The following FASN variants were observed in gnomAD, a reference collection of about 807,000 sequenced individuals.
FASN encodes 3-hydroxyacyl-[acyl-carrier-protein] dehydratase.
In FASN, 50 loss-of-function variants were observed where a neutral mutation model predicts 250.0. That is an observed-to-expected ratio of 0.20 (90% CI 0.16 to 0.25). The LOEUF is 0.25. Among genes scored for constraint, FASN ranks in the 10% least tolerant of loss-of-function variants. FASN has a pLI of 1.00. For missense variants in FASN, 3,031 were observed against 3,498.5 expected (o/e 0.87, Z 3.37); for synonymous variants, 1,909 against 1,584.0 (o/e 1.21, Z -4.87).
Position 82,085,720 on chromosome 17 carries a change from C to T in FASN, c.3884G>A (p.Gly1295Asp). 1 of 1,566,620 alleles carries T rather than the reference C, an allele frequency of 6.4e-7. No individual in the cohort carries two copies. The highest frequency in any genetic ancestry group is 1.2e-5 in the South Asian group (1 of 85,530). The change falls in exon 23 of 43, where the codon GGC (glycine) becomes GAC (aspartate). Residue 1295 changes from glycine (G) to aspartate (D), a missense_variant. Transcript: ENST00000306749. ...GGCAGGGTCTGCGGGATCCCACTGG[C>T]CCTGGGCAACGTCGTGCTGCTGCAG... is the stretch of plus-strand genomic sequence containing the variant. ...AELQQHDVAQ[G>D]QWDPADPAPS...
Position 82,088,545 on chromosome 17 carries a change from T to C in FASN, c.2438A>G (p.Asn813Ser). The change falls in exon 16 of 43, where the codon AAT becomes AGT. Residue 813 changes from asparagine to serine, a missense_variant. Transcript: ENST00000306749. ...GAACTCCACAGGTGGGAACAAGGCA[T>C]TGGGGTTGGCGTCGATGCTACGGAG... ...LHLSGIDANPNALFPPVEFPA... is the reference protein window; with the variant it reads ...LHLSGIDANPSALFPPVEFPA... 3 of 1,605,958 alleles carry C rather than the reference T, an allele frequency of 1.9e-6. No individual in the cohort carries two copies. The highest frequency in any genetic ancestry group is 2.6e-6 in the Non-Finnish European group (3 of 1,175,300).
rs2034099744 is a variant in FASN at position 82,086,387 on chromosome 17, T to C, written c.3599A>G (p.Gln1200Arg). Residue 1200 changes from glutamine to arginine, a missense_variant, in exon 22 of 43, where the codon CAG becomes CGG. Physicochemically the swap from Gln to Arg is conservative, Grantham distance 43. Transcript: ENST00000306749. The stretch of plus-strand genomic sequence containing the variant: ...CTTGGGCCTCTCCTGGGCCAGCACC[T>C]GCGCCAGCTCCAGCTGCAGGTTCCC... ...LNGNLQLELA[Q>R]VLAQERPKLP... 6.2e-7 allele frequency: 1 copy of C among 1,609,938 alleles called. No individual in the cohort carries two copies.
In FASN at chr17:82,091,308, C is replaced by T; in HGVS notation, c.1406G>A (p.Gly469Asp). The T allele has an allele frequency of 6.2e-7, 1 of 1,610,846 alleles. No individual in the cohort carries two copies. Residue 469 changes from glycine to aspartate, a missense_variant, in exon 9 of 43, where the codon GGC becomes GAC. Coordinates refer to ENST00000306749, the MANE Select transcript of FASN (RefSeq NM_004104.5). ...AVPATAMPFR[G>D]YAVLGGERGG... ...GCGCTCACCACCCAGCACAGCGTAG[C>T]CACGGAAGGGCATGGCGGTGGCGGG...
chr17:82,091,194 C>A (rs374284282), intron 9 of FASN, 28 bp downstream of exon 9: 1 of 1,601,504 alleles, frequency 6.2e-7, no homozygotes, highest in South Asian at 1.1e-5. Context: ...AGGGAAGGGA[C>A]CACCTTGGGG....
Position 82,085,880 on chromosome 17 carries a change from G to A in FASN, c.3733-9C>T, listed in dbSNP as rs376560194. ...CCGTGGCCAGCCAGCACCTGTAGGG[G>A]GTGAATTCTGGAATCAGCCCCACAC... On this transcript the variant is annotated splice_polypyrimidine_tract_variant and intron_variant, in intron 22 of 42. Coordinates refer to ENST00000306749, the MANE Select transcript of FASN (RefSeq NM_004104.5). The A allele has an allele frequency of 1.8e-5, 27 of 1,525,844 alleles. No homozygotes were observed. Among genetic ancestry groups the A allele is most frequent in the African/African-American group, 1.4e-4 (10 of 73,226 alleles). 94.5% of individuals were successfully genotyped at this position (1,525,844 alleles called of 1,614,324 possible).
In FASN at chr17:82,091,020, G is replaced by A. The variant is rs1316229780; in HGVS notation, c.1542C>T (p.Asp514=). Residue 514 remains aspartate (D), a synonymous_variant, in exon 10 of 43, where the codon GAC becomes GAT. Coordinates refer to ENST00000306749, the MANE Select transcript of FASN (RefSeq NM_004104.5). ...RGMGLSLMRL[D]RFRDSILRSD... ...AGCGTAGGATGGAATCTCGGAAGCG[G>A]TCCAGGCGCATGAGGCTCAGCCCCA... 1 of 1,612,794 alleles carries A rather than the reference G, an allele frequency of 6.2e-7. No individual in the cohort carries two copies. Among genetic ancestry groups the A allele is most frequent in the Admixed American group, 1.7e-5 (1 of 60,022 alleles).
chr17:82,081,115 G>A, intron 38 of FASN, 49 bp downstream of exon 38: 2 of 1,535,996 alleles, frequency 1.3e-6, no homozygotes, highest in Non-Finnish European at 1.8e-6. Flanking sequence ...AAGGAGGAAG[G>A]GCTGGGGAGG....
chr17:82,092,341 G>A, intron 8 of FASN, 114 bp downstream of exon 8: 1 of 1,146,396 alleles, frequency 8.7e-7, no homozygotes, highest in Non-Finnish European at 1.3e-6. Flanking sequence ...GAGGCTCCTG[G>A]TGGGGAAGCC....
In FASN at chr17:82,091,508, G is replaced by T; in HGVS notation, c.1206C>A (p.Ile402=). 1 of 1,604,814 alleles carries T rather than the reference G, an allele frequency of 6.2e-7. No homozygotes were observed. The highest frequency in any genetic ancestry group is 8.5e-7 in the Non-Finnish European group (1 of 1,176,516). Reference sequence around the variant, plus strand: ...GCGGCTGCGTGTTGGGCCTCAGGATGATGTGCACGTTGGAGCCCCCGAAGC... The same window carrying T: ...GCGGCTGCGTGTTGGGCCTCAGGATTATGTGCACGTTGGAGCCCCCGAAGC... ...SFGFGGSNVH[I]ILRPNTQPPP... is the part of the protein sequence containing the mutation. The change falls in exon 9 of 43, where the codon ATC becomes ATA. Residue 402 remains isoleucine (I), a synonymous_variant. Coordinates refer to ENST00000306749, the MANE Select transcript of FASN (RefSeq NM_004104.5).
At chr17:82,081,440 C>A (rs568735376) in intron 37 of FASN, 88 bp from the exon 38 acceptor site, 61 of 1,564,548 alleles carry the variant, frequency 3.9e-5, no homozygotes, top group Non-Finnish European at 5.0e-5. Flanking sequence ...GGTGCGTGGG[C>A]TGTGCATCTC....
intron 1 of FASN, 76 bp from the exon 2 acceptor site, chr17:82,096,528 A>C: frequency 1.9e-6 from 3 of 1,594,570 alleles, no homozygotes; most frequent in Non-Finnish European, 2.6e-6. Flanking sequence ...CACCCAGAAC[A>C]GGTGGACACC....
chr17:82,084,296 G>A lies in FASN; in HGVS notation c.4857C>T (p.Ala1619=). The A allele has an allele frequency of 1.2e-6, 2 of 1,611,250 alleles. No individual in the cohort carries two copies. Among genetic ancestry groups the A allele is most frequent in the Non-Finnish European group, 1.7e-6 (2 of 1,179,308 alleles). The stretch of plus-strand genomic sequence containing the variant: ...GCAGGACAGAGGTGGCCAGGCCCTT[G>A]GCAGGCACCAGTCCCATCACACGCT... ...SGKRVMGLVP[A]KGLATSVLLS... Residue 1619 remains alanine (A), a synonymous_variant, in exon 28 of 43, where the codon GCC becomes GCT. Coordinates refer to ENST00000306749, the MANE Select transcript of FASN (RefSeq NM_004104.5).
rs961296963 is a variant in FASN at position 82,078,712 on chromosome 17, C to T, written c.*431G>A. ...GCAGGCTTGGGTGGCTGCCCGCGCC[C>T]GCAGGGGACATCGGGGAAATGGGGG... On this transcript the variant is annotated 3_prime_UTR_variant, in exon 43 of 43. Transcript: ENST00000306749. This position sits in a 1 kb window ranked among gnomAD's most constrained non-coding sequence, Gnocchi z 5.4. 1.1e-5 allele frequency: 3 copies of T among 262,794 alleles called. No individual in the cohort carries two copies. The highest frequency in any genetic ancestry group is 1.1e-4 in the East Asian group (1 of 9,482). 16.3% of individuals were successfully genotyped at this position (262,794 alleles called of 1,614,324 possible).
Position 82,084,576 on chromosome 17 carries a change from C to T in FASN, c.4705G>A (p.Ala1569Thr), listed in dbSNP as rs914258123. Residue 1569 changes from alanine to threonine, a missense_variant, in exon 27 of 43, where the codon GCC becomes ACC. Coordinates refer to ENST00000306749, the MANE Select transcript of FASN (RefSeq NM_004104.5). ...ATGATGTCGCGGAAGTTGAGGGAGG[C>T]GTAGTAGACCGTGCAGAGCTGGGCG... is the stretch of plus-strand genomic sequence containing the variant. ...PGAQLCTVYYASLNFRDIMLA... is the reference protein window; with the variant it reads ...PGAQLCTVYYTSLNFRDIMLA... The T allele has an allele frequency of 8.1e-6, 13 of 1,611,232 alleles. No individual in the cohort carries two copies. The highest frequency in any genetic ancestry group is 4.5e-5 in the East Asian group (2 of 44,830).
At chr17:82,088,335 G>A (rs766347423) in intron 16 of FASN, 28 bp from the exon 17 acceptor site, 3 of 1,609,890 alleles carry the variant, frequency 1.9e-6, no homozygotes, top group East Asian at 2.2e-5. Context: ...CCTCAGCACA[G>A]AGCGGGCGTC....
chr17:82,079,675 G>C (rs1598571627), intron 41 of FASN, 67 bp from the exon 42 acceptor site: 2 of 1,534,860 alleles, frequency 1.3e-6, no homozygotes, highest in African/African-American at 1.4e-5. Flanking sequence ...GTGCTACACT[G>C]CGGGTGGGCT....
intron 8 of FASN, among the ~76,000 whole-genome samples, 159 bp from the exon 9 acceptor site, chr17:82,091,843 G>T (rs1266175447): frequency 1.3e-5 from 2 of 152,136 alleles, no homozygotes; most frequent in Non-Finnish European, 2.9e-5. Context: ...TGGCACAGGG[G>T]TCCGAGGACT....
rs959817660 is a variant in FASN at position 82,092,908 on chromosome 17, A to C, written c.767T>G (p.Phe256Cys). Reference protein sequence around the residue: ...ILNAGTNTDGFKEQGVTFPSG... With the variant: ...ILNAGTNTDGCKEQGVTFPSG... The stretch of plus-strand genomic sequence containing the variant: ...CCGGCAGAGCCCACCTTGCTCCTTG[A>C]AGCCATCTGTATTGGTGCCGGCGTT... The change falls in exon 6 of 43, where the codon TTC (phenylalanine) becomes TGC (cysteine). Residue 256 changes from phenylalanine to cysteine, a missense_variant. Coordinates refer to ENST00000306749, the MANE Select transcript of FASN (RefSeq NM_004104.5). The C allele has an allele frequency of 1.9e-6, 3 of 1,603,742 alleles. No individual in the cohort carries two copies.
intron 8 of FASN, 90 bp downstream of exon 8, chr17:82,092,365 G>T: frequency 7.1e-7 from 1 of 1,400,942 alleles, no homozygotes; most frequent in Non-Finnish European, 9.8e-7. Context: ...GCCTCCACTT[G>T]GCAAAGAGAA....
Sources: gnomAD v4.1 joint callset for allele counts (sites outside exome capture counted in the v4.1 genomes callset) on GRCh38, gnomAD v4.1.1 for gene constraint, Gnocchi (gnomAD v3.1) non-coding constraint, MANE v1.5 for transcripts, NCBI Gene and HGNC (gene_info 2026-07-23, HGNC 2026-07-21) for gene names.